Variants in ZBTB20 observed in about 807,000 individuals in gnomAD.
ZBTB20 encodes the protein zinc finger and BTB domain containing 20.
ZBTB20 carries 9 observed loss-of-function variants against 56.9 expected under a neutral mutation model. The ratio of observed to expected loss-of-function variants is 0.16; its 90% CI spans 0.10 to 0.28. ZBTB20 has a LOEUF of 0.28. Among genes scored for constraint, ZBTB20 ranks in the 10% least tolerant of loss-of-function variants. The pLI is 1.00. For missense variants in ZBTB20, 655 were observed against 1,003.0 expected, an observed-to-expected ratio of 0.65 and a Z score of 4.69; for synonymous variants, 417 against 420.7, an observed-to-expected ratio of 0.99 and a Z score of 0.11.
chr3:114,794,034 A>T (rs1026074729), intron 5 of ZBTB20, among the ~76,000 whole-genome samples: 2 of 151,880 alleles, frequency 1.3e-5, no homozygotes, highest in African/African-American at 2.4e-5. Context: ...AATGCAACAG[A>T]TTTAAAAACA....
At chr3:115,021,054 T>C (rs1287417650) in intron 2 of ZBTB20, among the ~76,000 whole-genome samples, 2 of 151,008 alleles carry the variant, frequency 1.3e-5, no homozygotes, top group African/African-American at 4.8e-5. Context: ...TTTTATCCTT[T>C]AGTTACTTCT....
chr3:114,974,206 T>C (rs981799333), intron 3 of ZBTB20, among the ~76,000 whole-genome samples, 160 bp downstream of exon 3: 1 of 152,166 alleles, frequency 6.6e-6, no homozygotes, highest in Admixed American at 6.5e-5. Flanking sequence ...TTCATATTAT[T>C]TTTAGGTATA....
At chr3:114,527,162 A>G (rs927452654) in intron 6 of ZBTB20, 3 of 152,198 alleles carry the variant, frequency 2.0e-5, no homozygotes, top group East Asian at 3.8e-4. Context: ...AACTTTAAAA[A>G]AAATAAAAAT....
chr3:115,032,958 T>TAAAA (rs77048136), intron 2 of ZBTB20, among the ~76,000 whole-genome samples: 478 of 54,776 alleles, frequency 8.7e-3, no homozygotes, highest in Middle Eastern at 0.012. Flanking sequence ...CCTAAGGAAC[T>TAAAA]AAAAAAAAAA....
chr3:114,455,483 G>A (rs1053696922), intron 7 of ZBTB20, among the ~76,000 whole-genome samples: 4 of 152,122 alleles, frequency 2.6e-5, no homozygotes, highest in South Asian at 2.1e-4. Context: ...ATATTTATGT[G>A]CAGGTGCCAA....
intron 2 of ZBTB20, among the ~76,000 whole-genome samples, chr3:114,978,660 T>A (rs148947360): frequency 0.011 from 1,582 of 137,930 alleles, 16 homozygotes; most frequent in Non-Finnish European, 0.017. Flanking sequence ...TAGATCTGTA[T>A]GTACCAGGTG....
chr3:115,075,159 T>C (rs1208886739), intron 1 of ZBTB20, among the ~76,000 whole-genome samples: 1 of 152,164 alleles, frequency 6.6e-6, no homozygotes, highest in African/African-American at 2.4e-5. Context: ...CAAATCTTAA[T>C]AGTACAATAT....
intron 7 of ZBTB20, among the ~76,000 whole-genome samples, chr3:114,474,150 T>A (rs906030635): frequency 1.3e-5 from 2 of 152,176 alleles, no homozygotes; most frequent in Admixed American, 6.5e-5. Flanking sequence ...ATTACCTCCC[T>A]CTGGGTCTCT....
At chr3:114,647,206 C>A (rs1034250791) in intron 6 of ZBTB20, among the ~76,000 whole-genome samples, 1 of 152,138 alleles carries the variant, frequency 6.6e-6, no homozygotes, top group African/African-American at 2.4e-5. Context: ...AATCCACCCG[C>A]CTTGGCCTCC....
intron 2 of ZBTB20, among the ~76,000 whole-genome samples, chr3:115,038,291 C>T (rs1236712040): frequency 6.6e-6 from 1 of 152,160 alleles, no homozygotes. Context: ...TGAAGATACT[C>T]ATAAACCCAA....
At chr3:114,498,574 A>T (rs1047797789) in intron 7 of ZBTB20, among the ~76,000 whole-genome samples, 6 of 152,182 alleles carry the variant, frequency 3.9e-5, no homozygotes, top group African/African-American at 1.2e-4. Flanking sequence ...CCCTGCTGAT[A>T]TGAGGGCAGC....
At chr3:114,394,964 CATT>C (rs1353020368) in intron 7 of ZBTB20, among the ~76,000 whole-genome samples, 1 of 152,152 alleles carries the variant, frequency 6.6e-6, no homozygotes, top group Admixed American at 6.5e-5. Flanking sequence ...TATTTTTTTA[CATT>C]ATTGTTATTT....
At chr3:114,460,156 T>C (rs2092259826) in intron 7 of ZBTB20, among the ~76,000 whole-genome samples, 1 of 152,132 alleles carries the variant, frequency 6.6e-6, no homozygotes, top group Admixed American at 6.6e-5. Context: ...TTTTATACTC[T>C]TGACTCCAGA....
intron 6 of ZBTB20, among the ~76,000 whole-genome samples, chr3:114,543,763 G>T (rs2110123783): frequency 6.6e-6 from 1 of 152,226 alleles, no homozygotes; most frequent in East Asian, 1.9e-4. Context: ...GATTTTAATG[G>T]TCATAAAAAT....
At chr3:114,774,913 A>AAAAAG (rs552861831) in intron 5 of ZBTB20, among the ~76,000 whole-genome samples, 1 of 152,140 alleles carries the variant, frequency 6.6e-6, no homozygotes, top group Non-Finnish European at 1.5e-5. Context: ...GTGAATAAAA[A>AAAAAG]AAAAGAAAAG....
At chr3:114,936,952 C>T (rs142247430) in intron 3 of ZBTB20, among the ~76,000 whole-genome samples, 218 of 152,268 alleles carry the variant, frequency 1.4e-3, no homozygotes, top group Admixed American at 4.8e-3. Context: ...ATTCTGACAT[C>T]TCTGAAAGGA....
At chr3:114,854,232 A>C (rs1488470968) in intron 4 of ZBTB20, among the ~76,000 whole-genome samples, 1 of 152,222 alleles carries the variant, frequency 6.6e-6, no homozygotes, top group Non-Finnish European at 1.5e-5. Context: ...ATGTGTCAAA[A>C]TACTTTGTAT....
At chr3:114,795,019 A>G (rs1164572591) in intron 5 of ZBTB20, among the ~76,000 whole-genome samples, 2 of 152,094 alleles carry the variant, frequency 1.3e-5, no homozygotes, top group Non-Finnish European at 2.9e-5. Flanking sequence ...AAATAAACAA[A>G]AACAAGAAAT....
intron 7 of ZBTB20, among the ~76,000 whole-genome samples, chr3:114,408,003 CTCTA>C (rs1289917349): frequency 6.6e-6 from 1 of 152,086 alleles, no homozygotes; most frequent in African/African-American, 2.4e-5. Context: ...GCTGAAGAAA[CTCTA>C]TCTGTTAAAA....
Sources: gnomAD v4.1 joint callset for allele counts (sites outside exome capture counted in the v4.1 genomes callset) on GRCh38, gnomAD v4.1.1 for gene constraint, MANE v1.5 for transcripts, NCBI Gene and HGNC (gene_info 2026-07-23, HGNC 2026-07-21) for gene names.